Variants in CACNA1D observed in about 807,000 individuals in gnomAD.
CACNA1D encodes voltage-dependent L-type calcium channel subunit alpha-1D.
Under a neutral mutation model 257.1 loss-of-function variants are expected in CACNA1D, and 55 were observed. The ratio of observed to expected loss-of-function variants is 0.21; its 90% CI spans 0.17 to 0.27. The LOEUF (loss-of-function observed/expected upper bound fraction) is 0.27. CACNA1D is among the 10% of genes least tolerant of loss of function. The probability of loss-of-function intolerance (pLI) is 1.00; values close to 1 mark genes in which losing one functional copy is unlikely to be tolerated. For synonymous variants in CACNA1D, 980 were observed against 1,014.9 expected (o/e 0.97, Z 0.65); for missense variants, 1,876 against 2,784.0 (o/e 0.67, Z 7.34).
rs976761901 is a variant in CACNA1D, at chr3:53,751,419, C to T, written c.3517-330C>T. On this transcript the variant is annotated intron_variant, in intron 27 of 47. Transcript: ENST00000350061. The surrounding 1 kb of genome is among the most constrained non-coding windows in gnomAD (Gnocchi z 4.3). Reference sequence around the variant, plus strand: ...ATAAGGCCTGGACCCAGTCCTCACTCCTGCTTGTGTATACACTGCAGGGCC... The same window carrying T: ...ATAAGGCCTGGACCCAGTCCTCACTTCTGCTTGTGTATACACTGCAGGGCC... 2.0e-5 allele frequency among the ~76,000 whole-genome samples: 3 copies of T among 152,232 alleles called. No individual in the cohort carries two copies. The highest frequency in any genetic ancestry group is 2.9e-5 in the Non-Finnish European group (2 of 68,042).
intron 3 of CACNA1D, among the ~76,000 whole-genome samples, chr3:53,604,087 C>T (rs2093478077): frequency 1.3e-5 from 2 of 152,316 alleles, no homozygotes; most frequent in African/African-American, 2.4e-5. Flanking sequence ...TCTAAAGACA[C>T]CTAAATCCTG....
chr3:53,620,594 T>C (rs9855590), intron 3 of CACNA1D, among the ~76,000 whole-genome samples: 4 of 152,180 alleles, frequency 2.6e-5, no homozygotes, highest in Non-Finnish European at 5.9e-5. Context: ...CCCCACCTGG[T>C]CCCTCTGTTA....
intron 45 of CACNA1D, 40 bp downstream of exon 45, chr3:53,805,186 G>A (rs759786105): frequency 2.5e-6 from 4 of 1,596,904 alleles, no homozygotes; most frequent in Non-Finnish European, 3.4e-6. Flanking sequence ...ACCTCCCGGG[G>A]AACAGTGTAC....
intron 9 of CACNA1D, chr3:53,710,469 A>G (rs1392579293): frequency 6.6e-6 from 3 of 456,778 alleles, no homozygotes; most frequent in Non-Finnish European, 1.3e-5. Flanking sequence ...ACGCAGGGCT[A>G]AAGATCATGG....
rs75843988 is a variant in CACNA1D at position 53,773,255 on chromosome 3, G to A, written c.4110+357G>A. ...GGGTCTTTTCAGTCTGTGCCGAGCC[G>A]TCGCGGGAACAGAAGGCTGGTGCTG... On this transcript the variant is annotated intron_variant, in intron 33 of 47. Transcript: ENST00000350061. 1,611 of 325,786 alleles carry A rather than the reference G, an allele frequency of 4.9e-3. 26 individuals are homozygous for A. Among genetic ancestry groups the A allele is most frequent in the African/African-American group, 0.03 (1,419 of 47,010 alleles). 20.2% of individuals were successfully genotyped at this position (325,786 alleles called of 1,614,324 possible).
chr3:53,626,293 A>G (rs1576143946), intron 3 of CACNA1D, among the ~76,000 whole-genome samples: 2 of 152,176 alleles, frequency 1.3e-5, no homozygotes, highest in South Asian at 4.1e-4. Context: ...TTTCCTGGTC[A>G]TGCTGATCTG....
intron 3 of CACNA1D, among the ~76,000 whole-genome samples, chr3:53,511,535 G>A (rs3774419): frequency 0.25 from 37,471 of 151,960 alleles, 4,934 homozygotes; most frequent in African/African-American, 0.34. Flanking sequence ...TGCTTTTGTC[G>A]GGGTCAGAAA....
At chr3:53,545,608 C>T (rs2092394793) in intron 3 of CACNA1D, among the ~76,000 whole-genome samples, 1 of 152,138 alleles carries the variant, frequency 6.6e-6, no homozygotes, top group South Asian at 2.1e-4. Context: ...TTCTTCTTTA[C>T]TTATAAATGA....
intron 3 of CACNA1D, among the ~76,000 whole-genome samples, chr3:53,616,346 G>A (rs191783207): frequency 1.3e-5 from 2 of 152,320 alleles, no homozygotes; most frequent in African/African-American, 2.4e-5. Context: ...GTGGAGGTGG[G>A]GGAAGGGACA....
intron 3 of CACNA1D, among the ~76,000 whole-genome samples, chr3:53,516,161 C>T (rs2091325039): frequency 6.6e-6 from 1 of 152,194 alleles, no homozygotes. Flanking sequence ...CTCTCATTTA[C>T]CAGAAGGCAT....
chr3:53,724,973 A>T (rs184080837), intron 14 of CACNA1D, among the ~76,000 whole-genome samples: 166 of 149,670 alleles, frequency 1.1e-3, no homozygotes, highest in Non-Finnish European at 1.6e-3. Context: ...ATTCTTTTTT[A>T]AAAAAAAATT....
chr3:53,697,147 A>C lies in CACNA1D; in HGVS notation c.1221-5494A>C, dbSNP rs866174919. On this transcript the variant is annotated intron_variant, in intron 8 of 47. Coordinates refer to ENST00000350061, the MANE Select transcript of CACNA1D (RefSeq NM_001128840.3). ...AATATCTTAATGACCTAGAGACAGA[A>C]GATCTACCACATGAGGCCTGAACAC... Among the ~76,000 whole-genome samples the C allele has an allele frequency of 1.6e-4, 24 of 152,206 alleles. 1 individual carries two copies. Among genetic ancestry groups the C allele is most frequent in the African/African-American group, 4.8e-4 (20 of 41,444 alleles).
At position 53,542,394 on chromosome 3, in the gene CACNA1D, A is replaced by G. The variant is rs547746656; in HGVS notation, c.483+40674A>G. On this transcript the variant is annotated intron_variant, in intron 3 of 47. Coordinates refer to ENST00000350061, the MANE Select transcript of CACNA1D (RefSeq NM_001128840.3). Reference sequence around the variant, plus strand: ...CAGGAGTTTGTGACCAGCCTGGGCAACATATGGAGACTTTGTCTCTACAAA... The same window carrying G: ...CAGGAGTTTGTGACCAGCCTGGGCAGCATATGGAGACTTTGTCTCTACAAA... Among the ~76,000 whole-genome samples the G allele has an allele frequency of 6.6e-5, 10 of 152,054 alleles. No individual in the cohort carries two copies. The East Asian group carries it at 1.7e-3, about 27-fold the overall frequency.
At chr3:53,588,270 G>A (rs1432530110) in intron 3 of CACNA1D, among the ~76,000 whole-genome samples, 1 of 152,172 alleles carries the variant, frequency 6.6e-6, no homozygotes, top group Admixed American at 6.5e-5. Flanking sequence ...AGTCTCAGGG[G>A]CAAGCTCTTT....
At chr3:53,588,224 C>T (rs1484848251) in intron 3 of CACNA1D, among the ~76,000 whole-genome samples, 2 of 152,180 alleles carry the variant, frequency 1.3e-5, no homozygotes, top group South Asian at 2.1e-4. Flanking sequence ...TTGTCCTCCT[C>T]GGATTTCAAG....
rs543989512 is a variant in CACNA1D at position 53,791,040 on chromosome 3, G to A, written c.4923+4088G>A. The A allele has an allele frequency of 2.1e-3, 1,443 of 702,228 alleles. 2 individuals carry two copies. Among genetic ancestry groups the A allele is most frequent in the Non-Finnish European group, 3.1e-3 (1,186 of 384,796 alleles). The allele number at this position is 702,228 out of a possible 1,614,324, so 43.5% of individuals were successfully genotyped here. On this transcript the variant is annotated intron_variant, in intron 40 of 47. Transcript: ENST00000350061. ...AGCTACGGCACCAAGCTGGTTAGTC[G>A]GAAGGCGTTTGTGGCTAAGGCCTTG...
At chr3:53,534,155 G>GTGTC (rs1472230382) in intron 3 of CACNA1D, among the ~76,000 whole-genome samples, 1 of 152,162 alleles carries the variant, frequency 6.6e-6, no homozygotes, top group African/African-American at 2.4e-5. Flanking sequence ...CACAAAGAAA[G>GTGTC]TGTCTGGGGC....
At chr3:53,693,847 T>C (rs1469560967) in intron 8 of CACNA1D, among the ~76,000 whole-genome samples, 1 of 152,240 alleles carries the variant, frequency 6.6e-6, no homozygotes, top group African/African-American at 2.4e-5. Context: ...GTTTTTTGCA[T>C]GTGTATGTAA....
intron 47 of CACNA1D, chr3:53,810,522 C>T (rs1001937057): frequency 4.1e-5 from 24 of 584,622 alleles, no homozygotes; most frequent in African/African-American, 2.8e-4. Flanking sequence ...TTTGGGAGGC[C>T]GAGGCGGGTG....
Sources: gnomAD v4.1 joint callset for allele counts (sites outside exome capture counted in the v4.1 genomes callset) on GRCh38, gnomAD v4.1.1 for gene constraint, Gnocchi (gnomAD v3.1) non-coding constraint, MANE v1.5 for transcripts, NCBI Gene and HGNC (gene_info 2026-07-23, HGNC 2026-07-21) for gene names.